Variants in AEBP1 observed in about 807,000 individuals in gnomAD.
AEBP1 encodes adipocyte enhancer-binding protein 1.
A neutral mutation model predicts 116.5 loss-of-function variants in AEBP1; 69 were observed. The ratio of observed to expected loss-of-function variants is 0.59; its 90% CI spans 0.49 to 0.72. The LOEUF (loss-of-function observed/expected upper bound fraction) is 0.72. Ranked by LOEUF, AEBP1 falls within the 30% of genes least tolerant of loss-of-function variation. The pLI is 0.00. For synonymous variants in AEBP1, 627 were observed against 627.3 expected (o/e 1.00, Z 0.01); for missense variants, 1,444 against 1,557.5 (o/e 0.93, Z 1.23).
chr7:44,110,684 GA>G (rs2096228368), intron 11 of AEBP1, 40 bp from the exon 12 acceptor site: 1 of 1,491,954 alleles, frequency 6.7e-7, no homozygotes, highest in Admixed American at 2.3e-5. Flanking sequence ...GAGGGCCTGG[GA>G]GGGGGAAGAC....
In AEBP1 at chr7:44,107,769, C is replaced by A. The variant is rs772807772; in HGVS notation, c.740-40C>A. Reference sequence around the variant, plus strand: ...CTGGGGGATGTGCCAATGGGCCCATCCCAGCCTTGGGCCCCACTCTGAGCC... The same window carrying A: ...CTGGGGGATGTGCCAATGGGCCCATACCAGCCTTGGGCCCCACTCTGAGCC... On this transcript the variant is annotated intron_variant, in intron 4 of 20. Coordinates refer to ENST00000223357, the MANE Select transcript of AEBP1 (RefSeq NM_001129.5). The surrounding 1 kb of genome is among the most constrained non-coding windows in gnomAD (Gnocchi z 4.3). 9.3e-6 allele frequency: 15 copies of A among 1,612,836 alleles called. No individual in the cohort carries two copies. The highest frequency in any genetic ancestry group is 1.3e-5 in the Non-Finnish European group (15 of 1,179,780).
chr7:44,111,345 A>G lies in AEBP1; in HGVS notation c.1716+106A>G. 1.4e-6 allele frequency: 2 copies of G among 1,406,872 alleles called. No individual in the cohort carries two copies. The highest frequency in any genetic ancestry group is 1.9e-6 in the Non-Finnish European group (2 of 1,061,214). The allele number at this position is 1,406,872 out of a possible 1,614,324, so 87.1% of individuals were successfully genotyped here. On this transcript the variant is annotated intron_variant, in intron 14 of 20. Coordinates refer to ENST00000223357, the MANE Select transcript of AEBP1 (RefSeq NM_001129.5). This position sits in a 1 kb window ranked among gnomAD's most constrained non-coding sequence, Gnocchi z 4.7. ...GGCCCAGTCCCTACTGGTTCCAGGG[A>G]TGCTGGCTGTCCCTCACCTTAGGAA...
At position 44,113,640 on chromosome 7, in the gene AEBP1, C is replaced by CGTGACAGCCCACGCGGAGG; in HGVS notation, c.2858_2876dup (p.Tyr960AspfsTer17). 2 of 1,613,550 alleles carry CGTGACAGCCCACGCGGAGG rather than the reference C, an allele frequency of 1.2e-6. No individual in the cohort carries two copies. The highest frequency in any genetic ancestry group is 1.7e-6 in the Non-Finnish European group (2 of 1,179,924). ...GAATCTTGAACCCGGGTGAGTACCGCGTGACAGCCCACGCGGAGGGCTACA... is the reference window on the plus strand; with the variant it reads ...GAATCTTGAACCCGGGTGAGTACCGCGTGACAGCCCACGCGGAGGGTGACAGCCCACGCGGAGGGCTACA... On this transcript the variant is annotated frameshift_variant, in exon 21 of 21. Coordinates refer to ENST00000223357, the MANE Select transcript of AEBP1 (RefSeq NM_001129.5). LOFTEE classifies it low-confidence loss of function (END_TRUNC). The surrounding 1 kb of genome is among the most constrained non-coding windows in gnomAD (Gnocchi z 5.3).
rs2096223923 is a variant in AEBP1, at chr7:44,107,294, G to T, written c.596-145G>T. 1 of 764,434 alleles carries T rather than the reference G, an allele frequency of 1.3e-6. No homozygotes were observed. The highest frequency in any genetic ancestry group is 2.2e-6 in the Non-Finnish European group (1 of 462,156). 47.4% of individuals were successfully genotyped at this position (764,434 alleles called of 1,614,324 possible). On this transcript the variant is annotated intron_variant, in intron 2 of 20. Coordinates refer to ENST00000223357, the MANE Select transcript of AEBP1 (RefSeq NM_001129.5). The surrounding 1 kb of genome is among the most constrained non-coding windows in gnomAD (Gnocchi z 4.3). ...CAGCAGGATGCTGAAGGCCAGAGGA[G>T]CTCAGGCCTCCTTGGAGTGAGCTCG...
At chr7:44,105,302 C>T (rs1392639213) in intron 1 of AEBP1, among the ~76,000 whole-genome samples, 1 of 152,212 alleles carries the variant, frequency 6.6e-6, no homozygotes, top group Non-Finnish European at 1.5e-5. Context: ...TTCACGTCGT[C>T]CCTCCCTCCT....
Position 44,113,514 on chromosome 7 carries a change from G to GT in AEBP1, c.2810-80_2810-79insT, listed in dbSNP as rs1354582299. On this transcript the variant is annotated intron_variant, in intron 20 of 20. Coordinates refer to ENST00000223357, the MANE Select transcript of AEBP1 (RefSeq NM_001129.5). This position sits in a 1 kb window ranked among gnomAD's most constrained non-coding sequence, Gnocchi z 5.3. ...GGCGGGAACTCAGAGGGGGAGGGCGGGGCTGGGGGCAGGACTGAGTGGGAG... is the reference window on the plus strand; with the variant it reads ...GGCGGGAACTCAGAGGGGGAGGGCGGTGGCTGGGGGCAGGACTGAGTGGGAG... 1.3e-5 allele frequency: 17 copies of GT among 1,348,074 alleles called. No individual in the cohort carries two copies. The highest frequency in any genetic ancestry group is 1.6e-5 in the Non-Finnish European group (17 of 1,041,078). The allele number at this position is 1,348,074 out of a possible 1,614,324, so 83.5% of individuals were successfully genotyped here. A position where few individuals can be genotyped will look rare whatever the true frequency, so the allele number is the denominator to read the frequency against.
In AEBP1 at chr7:44,108,993, A is replaced by T. The variant is rs765936188; in HGVS notation, c.1018+17A>T. 1.9e-6 allele frequency: 3 copies of T among 1,605,744 alleles called. No individual in the cohort carries two copies. Among genetic ancestry groups the T allele is most frequent in the Non-Finnish European group, 2.5e-6 (3 of 1,176,512 alleles). On this transcript the variant is annotated intron_variant, in intron 7 of 20. Coordinates refer to ENST00000223357, the MANE Select transcript of AEBP1 (RefSeq NM_001129.5). This position sits in a 1 kb window ranked among gnomAD's most constrained non-coding sequence, Gnocchi z 5.0. ...AGGAGCTGAGTGAGTGGGACCAAGG[A>T]CTTCCCACACCAGGCCTGCCCTGAA...
Position 44,107,971 on chromosome 7 carries a change from C to A in AEBP1, c.863-36C>A. 7.4e-7 allele frequency: 1 copy of A among 1,345,988 alleles called. No individual in the cohort carries two copies. The highest frequency in any genetic ancestry group is 1.0e-6 in the Non-Finnish European group (1 of 974,326). The allele number at this position is 1,345,988 out of a possible 1,614,324, so 83.4% of individuals were successfully genotyped here. On this transcript the variant is annotated intron_variant, in intron 5 of 20. Coordinates refer to ENST00000223357, the MANE Select transcript of AEBP1 (RefSeq NM_001129.5). This position sits in a 1 kb window ranked among gnomAD's most constrained non-coding sequence, Gnocchi z 4.3. ...AGGAGAGGAGGTGCCATGGCCACGG[C>A]GCTCTGGCCCCCTCCTAACCTCCCC...
chr7:44,109,871 C>G, intron 9 of AEBP1, 144 bp from the exon 10 acceptor site: 5 of 716,726 alleles, frequency 7.0e-6, no homozygotes, highest in Middle Eastern at 2.4e-4. Context: ...TGGTGCAGGG[C>G]ACCAGGGAGC....
chr7:44,110,576 G>A lies in AEBP1; in HGVS notation c.1401-149G>A, dbSNP rs2096228234. The A allele has an allele frequency of 3.1e-6, 3 of 952,568 alleles. No individual in the cohort carries two copies. The African/African-American group carries it at 4.9e-5, about 16-fold the overall frequency. The allele number at this position is 952,568 out of a possible 1,614,324, so 59.0% of individuals were successfully genotyped here. On this transcript the variant is annotated intron_variant, in intron 11 of 20. Transcript: ENST00000223357. ...ACAGATCACCTGCCCATGGCTATGT[G>A]ACGGGCATAGGACCCAGGCTCAACA...
At position 44,114,112 on chromosome 7, in the gene AEBP1, G is replaced by A. The variant is rs773833150; in HGVS notation, c.3328G>A (p.Glu1110Lys). The A allele has an allele frequency of 3.7e-6, 6 of 1,613,926 alleles. No homozygotes were observed. Among genetic ancestry groups the A allele is most frequent in the African/African-American group, 1.3e-5 (1 of 75,044 alleles). ...EFGTKVEPEF[E>K]TQLEPEFETQ... is the part of the protein sequence containing the mutation. The stretch of plus-strand genomic sequence containing the variant: ...TGGGACCAAGGTGGAGCCCGAGTTT[G>A]AGACCCAGTTGGAGCCTGAGTTTGA... The change falls in exon 21 of 21, where the codon GAG becomes AAG. Residue 1110 changes from glutamate (E) to lysine (K), a missense_variant. Transcript: ENST00000223357.
rs772980753 is a variant in AEBP1, at chr7:44,104,761, C to T, written c.96C>T (p.Asp32=). ...GCCCGCAGACGGTGCTGACCGACGA[C>T]GAGATCGAGGAGTTCCTCGAGGGCT... ...GGRPQTVLTD[D]EIEEFLEGFL... The change falls in exon 1 of 21, where the codon GAC becomes GAT. Residue 32 remains aspartate, a synonymous_variant. Coordinates refer to ENST00000223357, the MANE Select transcript of AEBP1 (RefSeq NM_001129.5). 2.5e-6 allele frequency: 4 copies of T among 1,611,654 alleles called. No individual in the cohort carries two copies. Among genetic ancestry groups the T allele is most frequent in the Non-Finnish European group, 3.4e-6 (4 of 1,179,574 alleles).
Position 44,112,566 on chromosome 7 carries a change from G to T in AEBP1, c.2226G>T (p.Thr742=). 6.3e-7 allele frequency: 1 copy of T among 1,584,818 alleles called. No individual in the cohort carries two copies. Among genetic ancestry groups the T allele is most frequent in the East Asian group, 2.3e-5 (1 of 44,390 alleles). ...RYLSPDATVS[T]EVRAIIAWME... ...CGTGCTGGCCACTCCAGGTATCCAC[G>T]GAGGTCCGGGCCATCATTGCCTGGA... Residue 742 remains threonine, a synonymous_variant, in exon 18 of 21, where the codon ACG becomes ACT. Transcript: ENST00000223357. This position sits in a 1 kb window ranked among gnomAD's most constrained non-coding sequence, Gnocchi z 6.6.
chr7:44,108,446 G>C lies in AEBP1; in HGVS notation c.940+362G>C, dbSNP rs1420820361. Among the ~76,000 whole-genome samples the C allele has an allele frequency of 6.6e-6, 1 of 152,088 alleles. No homozygotes were observed. The highest frequency in any genetic ancestry group is 1.5e-5 in the Non-Finnish European group (1 of 67,998). On this transcript the variant is annotated intron_variant, in intron 6 of 20. Transcript: ENST00000223357. The surrounding 1 kb of genome is among the most constrained non-coding windows in gnomAD (Gnocchi z 5.0). ...GCCCCACTCTCTTCAGGGAGCCCGA[G>C]GGCTTTTGCCTCCCTGTTGCTCATG... is the stretch of plus-strand genomic sequence containing the variant.
intron 1 of AEBP1, 47 bp downstream of exon 1, chr7:44,104,965 G>T (rs977787733): frequency 1.4e-6 from 2 of 1,437,368 alleles, no homozygotes; most frequent in Non-Finnish European, 1.9e-6. Context: ...GGCATCTCAG[G>T]TGGGAACAGG....
rs2096225009 is a variant in AEBP1, at chr7:44,108,065, G to C, written c.921G>C (p.Val307=). The C allele has an allele frequency of 1.9e-6, 3 of 1,602,796 alleles. No individual in the cohort carries two copies. In the African/African-American group the frequency reaches 4.0e-5, roughly 21 times the overall value. ...PLPPDYGDGY[V]IPNYDDMDYY... ...CCCCTGACTATGGTGATGGTTACGTGATCCCCAACTACGATGACAGTGAGT... is the reference window on the plus strand; with the variant it reads ...CCCCTGACTATGGTGATGGTTACGTCATCCCCAACTACGATGACAGTGAGT... Residue 307 remains valine, a synonymous_variant, in exon 6 of 21, where the codon GTG becomes GTC. Transcript: ENST00000223357. The surrounding 1 kb of genome is among the most constrained non-coding windows in gnomAD (Gnocchi z 5.0).
Position 44,110,349 on chromosome 7 carries a change from G to A in AEBP1, c.1400+3G>A, listed in dbSNP as rs768579582. 2.5e-6 allele frequency: 4 copies of A among 1,613,534 alleles called. No individual in the cohort carries two copies. The African/African-American group carries it at 4.0e-5, about 16-fold the overall frequency. On this transcript the variant is annotated splice_donor_region_variant and intron_variant, in intron 11 of 20. Coordinates refer to ENST00000223357, the MANE Select transcript of AEBP1 (RefSeq NM_001129.5). The stretch of plus-strand genomic sequence containing the variant: ...CAGGGCAGAGACTCCAGCATCCAGT[G>A]CGTGGCCAGGCTCATGGATAGTTGG...
At chr7:44,106,081 C>T (rs1328092841) in intron 1 of AEBP1, 22 of 412,002 alleles carry the variant, frequency 5.3e-5, no homozygotes, top group South Asian at 3.5e-4. Context: ...TTCTTTGAAG[C>T]TTTTCTTGCC....
chr7:44,110,111 G>A lies in AEBP1; in HGVS notation c.1247G>A (p.Arg416Gln), dbSNP rs368135596. 18 of 1,612,932 alleles carry A rather than the reference G, an allele frequency of 1.1e-5. No homozygotes were observed. Among genetic ancestry groups the A allele is most frequent in the East Asian group, 4.5e-5 (2 of 44,886 alleles). ...CACGGCCTGGGGGCACAGCGCGGCC[G>A]GCTCAACATGCAGGTGGGCATTGGG... is the stretch of plus-strand genomic sequence containing the variant. ...LRHGLGAQRG[R>Q]LNMQTGATED... Residue 416 changes from arginine (R) to glutamine (Q), a missense_variant, in exon 10 of 21, where the codon CGG becomes CAG. Coordinates refer to ENST00000223357, the MANE Select transcript of AEBP1 (RefSeq NM_001129.5).
Sources: allele counts gnomAD v4.1 joint callset (sites outside exome capture counted in the v4.1 genomes callset), GRCh38; gene constraint gnomAD v4.1.1; non-coding constraint Gnocchi (gnomAD v3.1); transcripts MANE v1.5; gene names NCBI Gene and HGNC (gene_info 2026-07-23, HGNC 2026-07-21).